The following GRIN2A variants were observed in gnomAD, a reference collection of about 807,000 sequenced individuals.
GRIN2A encodes the protein glutamate receptor ionotropic, NMDA 2A.
Under a neutral mutation model 113.4 loss-of-function variants are expected in GRIN2A, and 22 were observed. The ratio of observed to expected loss-of-function variants is 0.19; its 90% confidence interval spans 0.14 to 0.28. GRIN2A has a LOEUF of 0.28. Ranked by LOEUF, GRIN2A falls within the 10% of genes least tolerant of loss-of-function variation. GRIN2A has a pLI of 1.00. For synonymous variants in GRIN2A, 827 were observed against 738.4 expected, an observed-to-expected ratio of 1.12 and a Z score of -1.94; for missense variants, 1,502 against 1,887.0, an observed-to-expected ratio of 0.80 and a Z score of 3.78.
intron 2 of GRIN2A, among the ~76,000 whole-genome samples, chr16:10,071,542 G>A (rs2047750758): frequency 6.6e-6 from 1 of 152,202 alleles, no homozygotes; most frequent in Admixed American, 6.5e-5. Flanking sequence ...TATGCCCCCA[G>A]GATGAAGCTA....
intron 4 of GRIN2A, among the ~76,000 whole-genome samples, chr16:9,884,210 T>C (rs1326821842): frequency 6.6e-6 from 1 of 152,236 alleles, no homozygotes; most frequent in African/African-American, 2.4e-5. Flanking sequence ...CTAGCCTGTA[T>C]GTGTATATAG....
chr16:9,987,112 G>A (rs7203184), intron 2 of GRIN2A, among the ~76,000 whole-genome samples: 24,290 of 152,062 alleles, frequency 0.16, 2,053 homozygotes, highest in Middle Eastern at 0.2. Context: ...ACTTTTCACT[G>A]AGCACATAAT....
intron 2 of GRIN2A, among the ~76,000 whole-genome samples, chr16:10,102,569 C>G (rs1409439384): frequency 6.6e-6 from 1 of 151,602 alleles, no homozygotes; most frequent in African/African-American, 2.4e-5. Flanking sequence ...TTGGGGGGGA[C>G]AGAGTCTCAC....
chr16:10,155,000 C>T (rs751090309), intron 2 of GRIN2A, among the ~76,000 whole-genome samples: 1 of 152,040 alleles, frequency 6.6e-6, no homozygotes, highest in Non-Finnish European at 1.5e-5. Flanking sequence ...AAGTTTAAAC[C>T]GTGTCTGTAG....
intron 2 of GRIN2A, among the ~76,000 whole-genome samples, chr16:9,948,921 C>A (rs1330148815): frequency 1.3e-5 from 2 of 152,186 alleles, no homozygotes; most frequent in East Asian, 3.9e-4. Context: ...GGCTGGGTCT[C>A]CCTGAGCCTC....
chr16:9,921,500 T>C (rs2044358342), intron 3 of GRIN2A, among the ~76,000 whole-genome samples: 1 of 152,220 alleles, frequency 6.6e-6, no homozygotes, highest in African/African-American at 2.4e-5. Context: ...TTCTTCTCTC[T>C]GAAATCTTTT....
At chr16:9,790,352 C>T (rs868557977) in intron 11 of GRIN2A, among the ~76,000 whole-genome samples, 4 of 152,226 alleles carry the variant, frequency 2.6e-5, no homozygotes, top group Non-Finnish European at 4.4e-5. Context: ...TGCACTCCCT[C>T]GCTGTGCATC....
rs557541803 is a variant in GRIN2A at position 9,754,736 on chromosome 16, C to G, written c.*8413G>C. 1.8e-5 allele frequency: 4 copies of G among 218,572 alleles called. No individual in the cohort carries two copies. Among genetic ancestry groups the G allele is most frequent in the Non-Finnish European group, 2.8e-5 (3 of 108,866 alleles). The allele number at this position is 218,572 out of a possible 1,614,324, so 13.5% of individuals were successfully genotyped here. On this transcript the variant is annotated 3_prime_UTR_variant, in exon 13 of 13. Transcript: ENST00000330684. ...AAATAATTAAATAAGTCTTAGATGG[C>G]TAATGTAGAAACTTCGATTGAATTC...
intron 2 of GRIN2A, among the ~76,000 whole-genome samples, chr16:10,096,369 C>G (rs1264428626): frequency 6.6e-6 from 1 of 152,140 alleles, no homozygotes; most frequent in African/African-American, 2.4e-5. Context: ...ATTCTTGGGC[C>G]TCACCCAGAC....
At chr16:10,041,098 T>G (rs2047160367) in intron 2 of GRIN2A, among the ~76,000 whole-genome samples, 1 of 152,232 alleles carries the variant, frequency 6.6e-6, no homozygotes, top group African/African-American at 2.4e-5. Flanking sequence ...CAGCAGCAAT[T>G]AATGTCTTTT....
intron 11 of GRIN2A, among the ~76,000 whole-genome samples, chr16:9,781,989 A>G (rs1459559313): frequency 6.6e-6 from 1 of 152,206 alleles, no homozygotes; most frequent in Non-Finnish European, 1.5e-5. Flanking sequence ...GGACTATAAA[A>G]GTATATATAA....
At chr16:9,879,090 A>C (rs1424439079) in intron 4 of GRIN2A, among the ~76,000 whole-genome samples, 2 of 152,180 alleles carry the variant, frequency 1.3e-5, no homozygotes, top group Non-Finnish European at 2.9e-5. Flanking sequence ...ATCCTGATGC[A>C]CAGATGATAA....
intron 2 of GRIN2A, among the ~76,000 whole-genome samples, chr16:10,005,697 A>G (rs2046394315): frequency 6.6e-6 from 1 of 152,212 alleles, no homozygotes; most frequent in East Asian, 1.9e-4. Context: ...AATGTTGGAG[A>G]CTAAGTCAAA....
intron 2 of GRIN2A, among the ~76,000 whole-genome samples, chr16:10,117,630 G>C (rs1386319747): frequency 6.6e-6 from 1 of 152,190 alleles, no homozygotes; most frequent in Non-Finnish European, 1.5e-5. Context: ...ACAGGGACCA[G>C]GAGCATATAA....
chr16:9,901,616 C>T (rs2043925932), intron 3 of GRIN2A, among the ~76,000 whole-genome samples: 1 of 152,052 alleles, frequency 6.6e-6, no homozygotes, highest in Non-Finnish European at 1.5e-5. Context: ...TGCAACACCA[C>T]ACCTGGCTAA....
intron 2 of GRIN2A, among the ~76,000 whole-genome samples, chr16:9,992,783 T>C (rs1378223098): frequency 6.6e-6 from 1 of 152,144 alleles, no homozygotes; most frequent in African/African-American, 2.4e-5. Context: ...AGAGAGACAA[T>C]ACTCGGCTAT....
intron 10 of GRIN2A, among the ~76,000 whole-genome samples, chr16:9,820,092 A>C (rs1411675126): frequency 6.6e-6 from 1 of 152,138 alleles, no homozygotes; most frequent in Non-Finnish European, 1.5e-5. Flanking sequence ...TGGCTTCCAG[A>C]AACCAATTTG....
At chr16:9,978,173 G>C (rs190847710) in intron 2 of GRIN2A, among the ~76,000 whole-genome samples, 23 of 152,304 alleles carry the variant, frequency 1.5e-4, no homozygotes, top group Non-Finnish European at 3.1e-4. Context: ...AAAAGCAATG[G>C]GTTGTCAGTT....
chr16:10,032,585 G>T (rs2046949966), intron 2 of GRIN2A, among the ~76,000 whole-genome samples: 1 of 152,138 alleles, frequency 6.6e-6, no homozygotes, highest in South Asian at 2.1e-4. Context: ...ACCTTCAAAG[G>T]TAAATACTAT....
Sources: gnomAD v4.1 joint callset for allele counts (sites outside exome capture counted in the v4.1 genomes callset) on GRCh38, gnomAD v4.1.1 for gene constraint, MANE v1.5 for transcripts, NCBI Gene and HGNC (gene_info 2026-07-23, HGNC 2026-07-21) for gene names.